RUNX1: variants seen among roughly 807,000 people sequenced by gnomAD.
The protein encoded by RUNX1 is runt-related transcription factor 1.
A neutral mutation model predicts 42.8 loss-of-function variants in RUNX1; 19 were observed. That is an observed-to-expected ratio of 0.44 (90% CI 0.31 to 0.65). The LOEUF (loss-of-function observed/expected upper bound fraction) is 0.65. RUNX1 is among the 30% of genes least tolerant of loss of function. The pLI is 0.07. For missense variants in RUNX1, 528 were observed against 672.0 expected, an observed-to-expected ratio of 0.79 and a Z score of 2.37; for synonymous variants, 271 against 289.4, an observed-to-expected ratio of 0.94 and a Z score of 0.64.
chr21:34,800,669 T>C (rs1010184748), intron 7 of RUNX1, among the ~76,000 whole-genome samples: 7 of 152,330 alleles, frequency 4.6e-5, no homozygotes, highest in Non-Finnish European at 7.4e-5. Flanking sequence ...TGCCTTTCTG[T>C]TTATCTCTTT....
intron 2 of RUNX1, among the ~76,000 whole-genome samples, chr21:35,003,294 G>A (rs1239973997): frequency 6.6e-6 from 1 of 152,184 alleles, no homozygotes; most frequent in Admixed American, 6.5e-5. Flanking sequence ...ACTTTGGCTG[G>A]GTGAGAGCAA....
intron 2 of RUNX1, among the ~76,000 whole-genome samples, chr21:34,973,325 G>A (rs78265346): frequency 0.021 from 3,237 of 152,226 alleles, 50 homozygotes; most frequent in Non-Finnish European, 0.031. Flanking sequence ...ACAAATTTTT[G>A]TCTGTGAATG....
At chr21:34,808,970 G>A (rs952424708) in intron 7 of RUNX1, among the ~76,000 whole-genome samples, 2 of 152,174 alleles carry the variant, frequency 1.3e-5, no homozygotes, top group Non-Finnish European at 2.9e-5. Flanking sequence ...AGTTCAGAGG[G>A]AACAGAAGGC....
At chr21:35,020,857 C>T (rs1394199603) in intron 2 of RUNX1, among the ~76,000 whole-genome samples, 1 of 152,164 alleles carries the variant, frequency 6.6e-6, no homozygotes, top group East Asian at 1.9e-4. Context: ...TAAAAGTACA[C>T]TTTGCTTCTA....
At chr21:34,859,679 C>T (rs2146238022) in intron 5 of RUNX1, 101 bp from the exon 6 acceptor site, 1 of 1,016,746 alleles carries the variant, frequency 9.8e-7, no homozygotes, top group South Asian at 1.3e-5. Flanking sequence ...CCCTTCAGCA[C>T]AAGTTACCAG....
chr21:34,943,788 C>T (rs1433305673), intron 2 of RUNX1, among the ~76,000 whole-genome samples: 1 of 152,102 alleles, frequency 6.6e-6, no homozygotes, highest in Non-Finnish European at 1.5e-5. Context: ...ATTTGGAACC[C>T]TCGCAAATCC....
intron 8 of RUNX1, among the ~76,000 whole-genome samples, chr21:34,795,830 G>A (rs2056519230): frequency 6.6e-6 from 1 of 152,108 alleles, no homozygotes. Context: ...TAGATTTATA[G>A]AGTCTACGGA....
In RUNX1 at chr21:34,790,301, T is replaced by C. The variant is rs573614142; in HGVS notation, c.*1834A>G. On this transcript the variant is annotated 3_prime_UTR_variant, in exon 9 of 9. Transcript: ENST00000675419. Reference sequence around the variant, plus strand: ...TGTTTTTGCTGCCTGCAGCCAAAGATTTGCCTAATTTGAATGCTTAAATTT... The same window carrying C: ...TGTTTTTGCTGCCTGCAGCCAAAGACTTGCCTAATTTGAATGCTTAAATTT... 65 of 233,592 alleles carry C rather than the reference T, an allele frequency of 2.8e-4. No individual in the cohort carries two copies. Among genetic ancestry groups the C allele is most frequent in the African/African-American group, 1.4e-3 (62 of 45,482 alleles). 14.5% of individuals were successfully genotyped at this position (233,592 alleles called of 1,614,324 possible). A position where few individuals can be genotyped will look rare whatever the true frequency, so the allele number is the denominator to read the frequency against.
At chr21:34,958,403 A>C (rs1342719534) in intron 2 of RUNX1, among the ~76,000 whole-genome samples, 1 of 152,204 alleles carries the variant, frequency 6.6e-6, no homozygotes, top group Non-Finnish European at 1.5e-5. Flanking sequence ...ATGAACAGAC[A>C]CTTCTCAAAA....
Position 35,023,023 on chromosome 21 carries a change from C to T in RUNX1, c.58+25819G>A, listed in dbSNP as rs543158270. Among the ~76,000 whole-genome samples, 4 of 151,818 alleles carry T rather than the reference C, an allele frequency of 2.6e-5. No individual in the cohort carries two copies. In the South Asian group the frequency reaches 6.2e-4, roughly 24 times the overall value. On this transcript the variant is annotated intron_variant, in intron 2 of 8. Transcript: ENST00000675419. Reference sequence around the variant, plus strand: ...ACAGTAGCATGATTACGGCTCACTGCAGCCTCAGTCTCCAGGGCCAGTGAT... The same window carrying T: ...ACAGTAGCATGATTACGGCTCACTGTAGCCTCAGTCTCCAGGGCCAGTGAT...
At chr21:34,844,465 G>T (rs961896023) in intron 6 of RUNX1, among the ~76,000 whole-genome samples, 1 of 152,128 alleles carries the variant, frequency 6.6e-6, no homozygotes, top group Non-Finnish European at 1.5e-5. Context: ...TTCCCCTCCC[G>T]CAGCAGCAGA....
intron 2 of RUNX1, among the ~76,000 whole-genome samples, chr21:34,993,100 G>A (rs186909544): frequency 2.0e-5 from 3 of 152,350 alleles, no homozygotes; most frequent in African/African-American, 7.2e-5. Context: ...GCTTCACCTC[G>A]TATCTGGCGG....
chr21:34,966,679 G>A (rs946558023), intron 2 of RUNX1, among the ~76,000 whole-genome samples: 41 of 152,152 alleles, frequency 2.7e-4, no homozygotes, highest in Admixed American at 1.8e-3. Flanking sequence ...CTGATTATGC[G>A]TTTGCTGCAA....
chr21:35,038,343 G>T lies in RUNX1; in HGVS notation c.58+10499C>A, dbSNP rs184791343. 7.2e-4 allele frequency: 242 copies of T among 335,344 alleles called. 4 individuals carry two copies. Among genetic ancestry groups the T allele is most frequent in the African/African-American group, 5.1e-3 (235 of 45,756 alleles). 20.8% of individuals were successfully genotyped at this position (335,344 alleles called of 1,614,324 possible). On this transcript the variant is annotated intron_variant, in intron 2 of 8. Coordinates refer to ENST00000675419, the MANE Select transcript of RUNX1 (RefSeq NM_001754.5). Reference sequence around the variant, plus strand: ...AGGCAACTCGTAGAAGAAGCCCCTGGTGATAAAGAAAACACGATTCCTCCT... The same window carrying T: ...AGGCAACTCGTAGAAGAAGCCCCTGTTGATAAAGAAAACACGATTCCTCCT...
chr21:34,967,235 G>A (rs7278199), intron 2 of RUNX1, among the ~76,000 whole-genome samples: 34,915 of 139,514 alleles, frequency 0.25, 4,278 homozygotes, highest in South Asian at 0.36. Context: ...GAGGAGAATC[G>A]CTTGAAACTG....
At chr21:34,814,412 C>T (rs1204591380) in intron 7 of RUNX1, among the ~76,000 whole-genome samples, 1 of 152,194 alleles carries the variant, frequency 6.6e-6, no homozygotes, top group Non-Finnish European at 1.5e-5. Flanking sequence ...TGGCCTTAAA[C>T]TGCCAAGTGG....
chr21:35,027,725 AAC>A (rs756215848), intron 2 of RUNX1, among the ~76,000 whole-genome samples: 6 of 152,230 alleles, frequency 3.9e-5, no homozygotes, highest in South Asian at 4.1e-4. Context: ...AATAAATATA[AAC>A]ACACACACAC....
At chr21:34,927,794 T>G (rs1213390907) in intron 2 of RUNX1, among the ~76,000 whole-genome samples, 1 of 152,204 alleles carries the variant, frequency 6.6e-6, no homozygotes, top group Non-Finnish European at 1.5e-5. Flanking sequence ...CAAATCAAAC[T>G]GTATATTTGG....
At chr21:34,848,607 G>A (rs1279811358) in intron 6 of RUNX1, among the ~76,000 whole-genome samples, 1 of 152,142 alleles carries the variant, frequency 6.6e-6, no homozygotes, top group Non-Finnish European at 1.5e-5. Context: ...GCTAATTTTT[G>A]TATTTTTAGT....
Sources: gnomAD v4.1 joint callset for allele counts (sites outside exome capture counted in the v4.1 genomes callset) on GRCh38, gnomAD v4.1.1 for gene constraint, MANE v1.5 for transcripts, NCBI Gene and HGNC (gene_info 2026-07-23, HGNC 2026-07-21) for gene names.